GUCA2A: variants seen among roughly 807,000 people sequenced by gnomAD.
GUCA2A encodes the protein guanylin.
GUCA2A carries 17 observed loss-of-function variants against 11.2 expected under a neutral mutation model. That is an observed-to-expected ratio of 1.52 (90% confidence interval 1.04 to 2.28). GUCA2A has a LOEUF of 2.28. Among genes scored for constraint, GUCA2A ranks in the 30% most tolerant of loss-of-function variants. The pLI is 0.00. For missense variants in GUCA2A, 173 were observed against 139.3 expected (o/e 1.24, Z -1.22); for synonymous variants, 64 against 57.1 (o/e 1.12, Z -0.54).
chr1:42,164,026 C>G (rs1220924904), intron 1 of GUCA2A, among the ~76,000 whole-genome samples: 1 of 152,238 alleles, frequency 6.6e-6, no homozygotes, highest in Non-Finnish European at 1.5e-5. Context: ...GCCCCCAGCT[C>G]CAGCCTGCAG....
Position 42,162,797 on chromosome 1 carries a change from G to A in GUCA2A, c.*109C>T, listed in dbSNP as rs1276156814. 3.4e-6 allele frequency: 3 copies of A among 891,522 alleles called. No individual in the cohort carries two copies. Among genetic ancestry groups the A allele is most frequent in the East Asian group, 2.4e-5 (1 of 41,538 alleles). 55.2% of individuals were successfully genotyped at this position (891,522 alleles called of 1,614,324 possible). On this transcript the variant is annotated 3_prime_UTR_variant, in exon 3 of 3. Coordinates refer to ENST00000357001, the MANE Select transcript of GUCA2A (RefSeq NM_033553.3). ...CCTCCCCGGGCTGCTCCTCCCGACT[G>A]GACCAGGGTAGGTTGAGCTGCTGGG... is the stretch of plus-strand genomic sequence containing the variant.
chr1:42,164,351 G>T (rs975912769), intron 1 of GUCA2A, among the ~76,000 whole-genome samples: 1 of 152,272 alleles, frequency 6.6e-6, no homozygotes, highest in African/African-American at 2.4e-5. Flanking sequence ...TGGAGCCACA[G>T]TGAGGGGCTG....
Position 42,163,396 on chromosome 1 carries a change from T to G in GUCA2A, c.283+7A>C, listed in dbSNP as rs1646138218. 2 of 1,585,268 alleles carry G rather than the reference T, an allele frequency of 1.3e-6. No homozygotes were observed. Among genetic ancestry groups the G allele is most frequent in the Non-Finnish European group, 8.7e-7 (1 of 1,153,866 alleles). On this transcript the variant is annotated splice_region_variant and intron_variant, in intron 2 of 2. Transcript: ENST00000357001. ...CCCACCAATCAGAGAGGAAGGAGGCTGCTCACCCAGCCTCTGAAGTATCTC... is the reference window on the plus strand; with the variant it reads ...CCCACCAATCAGAGAGGAAGGAGGCGGCTCACCCAGCCTCTGAAGTATCTC...
At position 42,163,612 on chromosome 1, in the gene GUCA2A, T is replaced by C. The variant is rs1380848205; in HGVS notation, c.76-2A>G. On this transcript the variant is annotated splice_acceptor_variant, in intron 1 of 2. Transcript: ENST00000357001. LOFTEE classifies it high-confidence loss of function. ...CAGAGAAAAGGAGAAATTTCCATCC[T>C]GGAAGAGAGAAGCCCAGAGCATGAG... The C allele has an allele frequency of 1.9e-6, 3 of 1,604,356 alleles. No individual in the cohort carries two copies. Among genetic ancestry groups the C allele is most frequent in the East Asian group, 2.2e-5 (1 of 44,838 alleles).
chr1:42,163,336 T>A, intron 2 of GUCA2A, 67 bp downstream of exon 2: 1 of 1,021,122 alleles, frequency 9.8e-7, no homozygotes, highest in Non-Finnish European at 1.5e-6. Context: ...TCAGAGCACA[T>A]CTCTTCCTCA....
In GUCA2A at chr1:42,163,393, G is replaced by A. The variant is rs1443808966; in HGVS notation, c.283+10C>T. Reference sequence around the variant, plus strand: ...AACCCCACCAATCAGAGAGGAAGGAGGCTGCTCACCCAGCCTCTGAAGTAT... The same window carrying A: ...AACCCCACCAATCAGAGAGGAAGGAAGCTGCTCACCCAGCCTCTGAAGTAT... On this transcript the variant is annotated intron_variant, in intron 2 of 2. Transcript: ENST00000357001. 5 of 1,571,108 alleles carry A rather than the reference G, an allele frequency of 3.2e-6. No homozygotes were observed. The Admixed American group carries it at 6.7e-5, about 21-fold the overall frequency.
chr1:42,163,804 G>A (rs537577403), intron 1 of GUCA2A, among the ~76,000 whole-genome samples, 194 bp from the exon 2 acceptor site: 7 of 152,300 alleles, frequency 4.6e-5, no homozygotes. Flanking sequence ...CCGTGATGCT[G>A]GACACTCTGG....
chr1:42,163,666 G>T, intron 1 of GUCA2A, 56 bp from the exon 2 acceptor site: 1 of 1,261,334 alleles, frequency 7.9e-7, no homozygotes. Flanking sequence ...TCCTGGCTGT[G>T]CCCCCCGTGC....
intron 2 of GUCA2A, 130 bp downstream of exon 2, chr1:42,163,273 A>G: frequency 3.0e-6 from 2 of 664,152 alleles, no homozygotes; most frequent in Non-Finnish European, 5.3e-6. Flanking sequence ...AATCAGAGCC[A>G]AGCTCCCTAG....
Position 42,162,872 on chromosome 1 carries a change from C to A in GUCA2A, c.*34G>T. The A allele has an allele frequency of 3.8e-6, 6 of 1,566,408 alleles. No homozygotes were observed. Among genetic ancestry groups the A allele is most frequent in the Non-Finnish European group, 5.3e-6 (6 of 1,137,014 alleles). On this transcript the variant is annotated 3_prime_UTR_variant, in exon 3 of 3. Coordinates refer to ENST00000357001, the MANE Select transcript of GUCA2A (RefSeq NM_033553.3). ...TCTGCAGGAGAAAAGAGCTTCCCTGCTGCGGAGGGGAGGCAGGCAGTGGGC... is the reference window on the plus strand; with the variant it reads ...TCTGCAGGAGAAAAGAGCTTCCCTGATGCGGAGGGGAGGCAGGCAGTGGGC...
Position 42,162,926 on chromosome 1 carries a change from CG to C in GUCA2A, c.327del (p.Tyr109Ter). ...EDPGTCEICA[Y>X]AACTGC Reference sequence around the variant, plus strand: ...CCCCCCTAGCATCCGGTACAGGCAGCGTAGGCACAGATTTCACATGTGCCCG... The same window carrying C: ...CCCCCCTAGCATCCGGTACAGGCAGCTAGGCACAGATTTCACATGTGCCCG... On this transcript the variant is annotated frameshift_variant, in exon 3 of 3. Transcript: ENST00000357001. LOFTEE classifies it high-confidence loss of function. 1 of 1,613,528 alleles carries C rather than the reference CG, an allele frequency of 6.2e-7. No individual in the cohort carries two copies. Among genetic ancestry groups the C allele is most frequent in the Non-Finnish European group, 8.5e-7 (1 of 1,179,516 alleles).
In GUCA2A at chr1:42,164,431, T is replaced by C. The variant is rs570911216; in HGVS notation, c.75+207A>G. Reference sequence around the variant, plus strand: ...CCCGCCTTCCCCATATGGTTATTCCTCTTCCCTCCACTGGGTTTCTTTCTC... The same window carrying C: ...CCCGCCTTCCCCATATGGTTATTCCCCTTCCCTCCACTGGGTTTCTTTCTC... On this transcript the variant is annotated intron_variant, in intron 1 of 2. Transcript: ENST00000357001. Among the ~76,000 whole-genome samples the C allele has an allele frequency of 7.2e-5, 11 of 152,328 alleles. No homozygotes were observed. In the East Asian group the frequency reaches 1.7e-3, roughly 24 times the overall value.
At position 42,163,470 on chromosome 1, in the gene GUCA2A, C is replaced by A. The variant is rs767239552; in HGVS notation, c.216G>T (p.Pro72=). Residue 72 remains proline, a synonymous_variant, in exon 2 of 3, where the codon CCG becomes CCT. Transcript: ENST00000357001. ...GAGGCTTGAGTTCTTCTGGAAAGTT[C>A]GGGTTGCTACAGAGGATGGGAACCA... ...EPVVPILCSN[P]NFPEELKPLC... 1.4e-5 allele frequency: 22 copies of A among 1,613,858 alleles called. No individual in the cohort carries two copies. Among genetic ancestry groups the A allele is most frequent in the Middle Eastern group, 3.3e-4 (2 of 6,082 alleles).
rs781429370 is a variant in GUCA2A, at chr1:42,162,915, G to T, written c.339C>A (p.Thr113=). 31 of 1,613,202 alleles carry T rather than the reference G, an allele frequency of 1.9e-5. 1 individual carries two copies. In the South Asian group the frequency reaches 3.0e-4, roughly 15 times the overall value. Residue 113 remains threonine (T), a synonymous_variant, in exon 3 of 3, where the codon ACC becomes ACA. Transcript: ENST00000357001. Reference sequence around the variant, plus strand: ...CAGTGGGCAAGCCCCCCTAGCATCCGGTACAGGCAGCGTAGGCACAGATTT... The same window carrying T: ...CAGTGGGCAAGCCCCCCTAGCATCCTGTACAGGCAGCGTAGGCACAGATTT... ...TCEICAYAAC[T]GC
In GUCA2A at chr1:42,163,617, G is replaced by A. The variant is rs746677464; in HGVS notation, c.76-7C>T. On this transcript the variant is annotated splice_polypyrimidine_tract_variant and splice_region_variant and intron_variant, in intron 1 of 2. Transcript: ENST00000357001. The stretch of plus-strand genomic sequence containing the variant: ...AAAAGGAGAAATTTCCATCCTGGAA[G>A]AGAGAAGCCCAGAGCATGAGGCCAG... The A allele has an allele frequency of 3.1e-6, 5 of 1,598,448 alleles. No individual in the cohort carries two copies. The highest frequency in any genetic ancestry group is 4.3e-6 in the Non-Finnish European group (5 of 1,168,486).
At position 42,164,681 on chromosome 1, in the gene GUCA2A, A is replaced by G. The variant is rs1200992717; in HGVS notation, c.32T>C (p.Leu11Pro). 1 of 1,551,806 alleles carries G rather than the reference A, an allele frequency of 6.4e-7. No homozygotes were observed. Among genetic ancestry groups the G allele is most frequent in the Admixed American group, 2.0e-5 (1 of 51,132 alleles). Reference protein sequence around the residue: MNAFLLSALCLLGAWAALAGG... With the variant: MNAFLLSALCPLGAWAALAGG... ...TGCCAAGGCGGCCCAGGCCCCAAGGAGGCACAGTGCGGAGAGCAGGAAGGC... is the reference window on the plus strand; with the variant it reads ...TGCCAAGGCGGCCCAGGCCCCAAGGGGGCACAGTGCGGAGAGCAGGAAGGC... The change falls in exon 1 of 3, where the codon CTC (leucine) becomes CCC (proline). Residue 11 changes from leucine (L) to proline (P), a missense_variant. Coordinates refer to ENST00000357001, the MANE Select transcript of GUCA2A (RefSeq NM_033553.3).
At chr1:42,163,673 G>C in intron 1 of GUCA2A, 63 bp from the exon 2 acceptor site, 2 of 1,184,802 alleles carry the variant, frequency 1.7e-6, no homozygotes, top group East Asian at 2.4e-5. Flanking sequence ...TGTGCCCCCC[G>C]TGCTGGCCCC....
intron 2 of GUCA2A, 42 bp downstream of exon 2, chr1:42,163,361 A>G (rs1449908740): frequency 1.5e-6 from 2 of 1,296,090 alleles, no homozygotes; most frequent in African/African-American, 1.5e-5. Context: ...CCACCACAGT[A>G]TTCCCGAACC....
At position 42,163,572 on chromosome 1, in the gene GUCA2A, C is replaced by T. The variant is rs144543396; in HGVS notation, c.114G>A (p.Lys38=). 1.7e-5 allele frequency: 27 copies of T among 1,613,534 alleles called. No individual in the cohort carries two copies. In the Middle Eastern group the frequency reaches 6.6e-4, roughly 39 times the overall value. ...CCTGGGGCTCCTGGAGGTCTTTGAG[C>T]TTCTTCACTGACTCCAGAGAAAAGG... ...NFSFSLESVK[K]LKDLQEPQEP... is the part of the protein sequence containing the mutation. Residue 38 remains lysine, a synonymous_variant, in exon 2 of 3, where the codon AAG becomes AAA. Transcript: ENST00000357001.
Sources: gnomAD v4.1 joint callset for allele counts (sites outside exome capture counted in the v4.1 genomes callset) on GRCh38, gnomAD v4.1.1 for gene constraint, MANE v1.5 for transcripts, NCBI Gene and HGNC (gene_info 2026-07-23, HGNC 2026-07-21) for gene names.